Variants in REPS1 observed in about 807,000 individuals in gnomAD.
REPS1 encodes the protein RALBP1 associated Eps domain containing 1.
REPS1 carries 39 observed loss-of-function variants against 100.9 expected under a neutral mutation model. The ratio of observed to expected loss-of-function variants is 0.39; its 90% CI spans 0.30 to 0.50. REPS1 has a LOEUF of 0.50. REPS1 is among the 20% of genes least tolerant of loss of function. The pLI, the probability that REPS1 is intolerant of heterozygous loss-of-function variation, is 0.86. For missense variants in REPS1, 821 were observed against 968.5 expected (o/e 0.85, Z 2.02); for synonymous variants, 324 against 340.3 (o/e 0.95, Z 0.53).
intron 1 of REPS1, among the ~76,000 whole-genome samples, chr6:138,960,741 T>C (rs1783683341): frequency 3.9e-5 from 6 of 152,164 alleles, no homozygotes; most frequent in Admixed American, 3.9e-4. Context: ...ATTCAACAAG[T>C]GGTAGTTGCT....
intron 1 of REPS1, among the ~76,000 whole-genome samples, chr6:138,964,432 G>A (rs1783905391): frequency 1.3e-5 from 2 of 151,986 alleles, no homozygotes; most frequent in Non-Finnish European, 2.9e-5. Context: ...ATTCATCATA[G>A]AAGAATTACT....
intron 19 of REPS1, 182 bp downstream of exon 19, chr6:138,907,313 A>AAGTGTGTGTGTAT (rs1554282170): frequency 7.8e-6 from 1 of 127,692 alleles, no homozygotes; most frequent in Non-Finnish European, 1.6e-5. Flanking sequence ...AAAAAAAAAA[A>AAGTGTGTGTGTAT]GTGTGTGTGT....
rs768969941 is a variant in REPS1 at position 138,907,555 on chromosome 6, A to T, written c.2262T>A (p.Arg754=). 2 of 1,613,890 alleles carry T rather than the reference A, an allele frequency of 1.2e-6. No individual in the cohort carries two copies. The highest frequency in any genetic ancestry group is 2.2e-5 in the South Asian group (2 of 91,070). ...CCAAAACGGTGTTGGTTTCCTTATT[A>T]CGTCTAATTGATGCCTGAATAGCTT... is the stretch of plus-strand genomic sequence containing the variant. ...DKKAIQASIR[R]NKETNTVLAR... The change falls in exon 19 of 20, where the codon CGT becomes CGA. Residue 754 remains arginine, a synonymous_variant. Coordinates refer to ENST00000450536, the MANE Select transcript of REPS1 (RefSeq NM_001286611.2).
At chr6:138,921,415 T>G (rs1370317425) in intron 10 of REPS1, among the ~76,000 whole-genome samples, 14 of 151,840 alleles carry the variant, frequency 9.2e-5, no homozygotes, top group Admixed American at 9.2e-4. Flanking sequence ...ATGCCAGCAC[T>G]TTGGGAGGCC....
At chr6:138,947,693 C>A in intron 2 of REPS1, 97 bp downstream of exon 2, 2 of 1,105,042 alleles carry the variant, frequency 1.8e-6, no homozygotes. Context: ...TCACAAATGC[C>A]ACTATAAGAT....
chr6:138,914,522 A>C (rs1375995710), intron 15 of REPS1, among the ~76,000 whole-genome samples, 175 bp downstream of exon 15: 1 of 152,228 alleles, frequency 6.6e-6, no homozygotes, highest in African/African-American at 2.4e-5. Context: ...AATAACTCAG[A>C]TCATTCTTGA....
At chr6:138,952,741 T>C (rs1014640771) in intron 1 of REPS1, among the ~76,000 whole-genome samples, 9 of 152,010 alleles carry the variant, frequency 5.9e-5, no homozygotes, top group South Asian at 4.2e-4. Context: ...AGAACACTCA[T>C]TGGGGAAAGG....
At chr6:138,914,885 G>T in intron 14 of REPS1, 124 bp from the exon 15 acceptor site, 1 of 818,432 alleles carries the variant, frequency 1.2e-6, no homozygotes, top group South Asian at 1.6e-5. Flanking sequence ...AGTATTAGAA[G>T]GCAAGTACTA....
Position 138,980,043 on chromosome 6 carries a change from C to A in REPS1, c.153+7487G>T, listed in dbSNP as rs560316268. On this transcript the variant is annotated intron_variant, in intron 1 of 19. Coordinates refer to ENST00000450536, the MANE Select transcript of REPS1 (RefSeq NM_001286611.2). The stretch of plus-strand genomic sequence containing the variant: ...CTTACCTCTCCCACGAAACAATCCC[C>A]CCCAAAATCCACTCCTCTTCCAACC... Among the ~76,000 whole-genome samples, 3 of 152,254 alleles carry A rather than the reference C, an allele frequency of 2.0e-5. No homozygotes were observed. The South Asian group carries it at 6.2e-4, about 32-fold the overall frequency.
chr6:138,912,753 T>A lies in REPS1; in HGVS notation c.1971+12A>T, dbSNP rs1232669291. The A allele has an allele frequency of 6.2e-7, 1 of 1,614,106 alleles. No individual in the cohort carries two copies. The highest frequency in any genetic ancestry group is 1.1e-5 in the South Asian group (1 of 91,084). On this transcript the variant is annotated intron_variant, in intron 16 of 19. Coordinates refer to ENST00000450536, the MANE Select transcript of REPS1 (RefSeq NM_001286611.2). ...TGCCTGCAGAAAATTAGCCAAGCCC[T>A]CGAAAACTGACCGGCAGGACTTCTG...
rs546228979 is a variant in REPS1 at position 138,979,269 on chromosome 6, C to T, written c.153+8261G>A. ...TGTGCAGTCAGGATCCTGACCACTC[C>T]TGCTTTCTCAAGGACTTCTCATCTC... On this transcript the variant is annotated intron_variant, in intron 1 of 19. Transcript: ENST00000450536. Among the ~76,000 whole-genome samples, 5 of 151,676 alleles carry T rather than the reference C, an allele frequency of 3.3e-5. No individual in the cohort carries two copies. The South Asian group carries it at 1.0e-3, about 32-fold the overall frequency.
intron 1 of REPS1, among the ~76,000 whole-genome samples, chr6:138,983,013 T>C (rs1785040394): frequency 6.6e-6 from 1 of 152,180 alleles, no homozygotes; most frequent in African/African-American, 2.4e-5. Flanking sequence ...CTACTGTTCA[T>C]AAGAACTATG....
In REPS1 at chr6:138,921,782, T is replaced by A. The variant is rs576536446; in HGVS notation, c.1339-658A>T. On this transcript the variant is annotated intron_variant, in intron 10 of 19. Transcript: ENST00000450536. ...TAGTAGAGACAGGGTTTCGCTATGCTGGCCAGGCTGGTCTCGAACTCCTGA... is the reference window on the plus strand; with the variant it reads ...TAGTAGAGACAGGGTTTCGCTATGCAGGCCAGGCTGGTCTCGAACTCCTGA... 1.6e-3 allele frequency among the ~76,000 whole-genome samples: 243 copies of A among 152,112 alleles called. 1 individual carries two copies. The Middle Eastern group carries it at 0.037, about 23-fold the overall frequency.
rs530984152 is a variant in REPS1, at chr6:138,933,291, T to C, written c.1136-3193A>G. 1.6e-3 allele frequency among the ~76,000 whole-genome samples: 250 copies of C among 152,358 alleles called. 1 individual carries two copies. In the Middle Eastern group the frequency reaches 0.037, roughly 23 times the overall value. ...TAGTAACTATTTTAGGTTTTGTGGC[T>C]ATAAGGTATCTGTTGCAGCAATTCA... On this transcript the variant is annotated intron_variant, in intron 8 of 19. Coordinates refer to ENST00000450536, the MANE Select transcript of REPS1 (RefSeq NM_001286611.2).
intron 1 of REPS1, among the ~76,000 whole-genome samples, chr6:138,956,534 C>T (rs1304067029): frequency 1.3e-5 from 2 of 151,234 alleles, no homozygotes; most frequent in African/African-American, 4.9e-5. Flanking sequence ...AAAACTAGGA[C>T]AGCTGGTATA....
intron 10 of REPS1, among the ~76,000 whole-genome samples, chr6:138,923,922 TC>T (rs898176526): frequency 4.7e-5 from 7 of 149,156 alleles, no homozygotes; most frequent in African/African-American, 1.8e-4. Context: ...GTAGAGTTTT[TC>T]CCCCCAGGTG....
chr6:138,972,789 A>C (rs966648285), intron 1 of REPS1, among the ~76,000 whole-genome samples: 2 of 152,212 alleles, frequency 1.3e-5, no homozygotes, highest in African/African-American at 2.4e-5. Flanking sequence ...GACCAACTTT[A>C]AAAGTATTAA....
At chr6:138,952,651 C>G (rs1016098981) in intron 1 of REPS1, among the ~76,000 whole-genome samples, 2 of 151,950 alleles carry the variant, frequency 1.3e-5, no homozygotes, top group African/African-American at 4.8e-5. Context: ...CCGCCTGCCT[C>G]AGTCTCTCAA....
chr6:138,922,910 C>A (rs1049088688), intron 10 of REPS1, among the ~76,000 whole-genome samples: 3 of 152,214 alleles, frequency 2.0e-5, no homozygotes, highest in Non-Finnish European at 2.9e-5. Context: ...TCTTATCTGA[C>A]ATATCTCCTT....
Sources: allele counts gnomAD v4.1 joint callset (sites outside exome capture counted in the v4.1 genomes callset), GRCh38; gene constraint gnomAD v4.1.1; transcripts MANE v1.5; gene names NCBI Gene and HGNC (gene_info 2026-07-23, HGNC 2026-07-21).